Variants in EPS8L3 observed in about 807,000 individuals in gnomAD.
EPS8L3 encodes the protein EPS8 signaling adaptor L3.
EPS8L3 carries 80 observed loss-of-function variants against 88.5 expected under a neutral mutation model. That is an observed-to-expected ratio of 0.90 (90% confidence interval 0.75 to 1.09). The LOEUF (loss-of-function observed/expected upper bound fraction) is 1.09. EPS8L3 is among the 50% of genes least tolerant of loss of function. EPS8L3 has a pLI of 0.00. For missense variants in EPS8L3, 721 were observed against 735.2 expected, an observed-to-expected ratio of 0.98 and a Z score of 0.22; for synonymous variants, 286 against 291.0, an observed-to-expected ratio of 0.98 and a Z score of 0.18.
chr1:109,750,644 C>T lies in EPS8L3; in HGVS notation c.1770+16G>A. 8 of 1,614,084 alleles carry T rather than the reference C, an allele frequency of 5.0e-6. No individual in the cohort carries two copies. Among genetic ancestry groups the T allele is most frequent in the Non-Finnish European group, 5.9e-6 (7 of 1,179,990 alleles). On this transcript the variant is annotated intron_variant, in intron 18 of 18. Coordinates refer to ENST00000361965, the MANE Select transcript of EPS8L3 (RefSeq NM_133181.4). ...AGACACTCCCAATGGTTGTCAGGACCCCAGGGTGTCCTCACCCCCAGCATC... is the reference window on the plus strand; with the variant it reads ...AGACACTCCCAATGGTTGTCAGGACTCCAGGGTGTCCTCACCCCCAGCATC...
rs141216988 is a variant in EPS8L3, at chr1:109,761,730, C to T, written c.20G>A (p.Arg7Lys). The change falls in exon 2 of 19, where the codon AGA becomes AAA. Residue 7 changes from arginine to lysine, a missense_variant. Transcript: ENST00000361965. Reference sequence around the variant, plus strand: ...TGCCAGGAGCTTACAGTAAATGGCTCTGCTGCTGGGCCTTGACATGTTGAC... The same window carrying T: ...TGCCAGGAGCTTACAGTAAATGGCTTTGCTGCTGGGCCTTGACATGTTGAC... MSRPSSRAIYLHRKEYS... is the reference protein window; with the variant it reads MSRPSSKAIYLHRKEYS... 6.2e-7 allele frequency: 1 copy of T among 1,613,928 alleles called. No individual in the cohort carries two copies. Among genetic ancestry groups the T allele is most frequent in the Non-Finnish European group, 8.5e-7 (1 of 1,179,976 alleles).
chr1:109,751,660 G>A lies in EPS8L3; in HGVS notation c.1557C>T (p.Pro519=), dbSNP rs928983819. ...AGTCCAGGCTGGGTAGTACCCGAGAGGGTGACTGGCCCTGGGTCCCAGGGG... is the reference window on the plus strand; with the variant it reads ...AGTCCAGGCTGGGTAGTACCCGAGAAGGTGACTGGCCCTGGGTCCCAGGGG... ...PGTPGTQGQS[P]SRVPMLRLSS... is the part of the protein sequence containing the mutation. Residue 519 remains proline (P), a synonymous_variant, in exon 16 of 19, where the codon CCC becomes CCT. Transcript: ENST00000361965. 1 of 1,613,980 alleles carries A rather than the reference G, an allele frequency of 6.2e-7. No individual in the cohort carries two copies.
chr1:109,752,581 A>T (rs914113326), intron 14 of EPS8L3, 105 bp downstream of exon 14: 45 of 1,081,620 alleles, frequency 4.2e-5, no homozygotes, highest in Admixed American at 1.7e-4. Context: ...TGGCTAAAAG[A>T]GACCCTCTTG....
intron 16 of EPS8L3, 47 bp downstream of exon 16, chr1:109,751,607 C>T: frequency 6.2e-7 from 1 of 1,612,810 alleles, no homozygotes; most frequent in Non-Finnish European, 8.5e-7. Context: ...CCACCCCGAC[C>T]TCCAACTCAA....
Position 109,757,855 on chromosome 1 carries a change from G to C in EPS8L3, c.841C>G (p.Gln281Glu), listed in dbSNP as rs1650444000. Reference sequence around the variant, plus strand: ...TGGAAGCAGTCAATGTACTGTGCCTGGGTGAGACCTGGGAGAAGGGGCCAA... The same window carrying C: ...TGGAAGCAGTCAATGTACTGTGCCTCGGTGAGACCTGGGAGAAGGGGCCAA... The part of the protein sequence containing the change: ...KKNKDQGGLT[Q>E]AQYIDCFQKI... Residue 281 changes from glutamine to glutamate, a missense_variant, in exon 10 of 19, where the codon CAG (glutamine) becomes GAG (glutamate). Gln to Glu is a conservative substitution (Grantham distance 29, BLOSUM62 2). Transcript: ENST00000361965. 1 of 1,613,986 alleles carries C rather than the reference G, an allele frequency of 6.2e-7. No individual in the cohort carries two copies. Among genetic ancestry groups the C allele is most frequent in the African/African-American group, 1.3e-5 (1 of 74,912 alleles).
Position 109,759,990 on chromosome 1 carries a change from G to T in EPS8L3, c.97-154C>A. On this transcript the variant is annotated intron_variant, in intron 3 of 18. Transcript: ENST00000361965. The surrounding 1 kb of genome is among the most constrained non-coding windows in gnomAD (Gnocchi z 4.2). ...GCTTCAGATAAAGCAACTTTCCAGGGCCAATGTGAGGGACGGTGTCGAAGC... is the reference window on the plus strand; with the variant it reads ...GCTTCAGATAAAGCAACTTTCCAGGTCCAATGTGAGGGACGGTGTCGAAGC... The T allele has an allele frequency of 1.4e-6, 1 of 730,830 alleles. No homozygotes were observed. Among genetic ancestry groups the T allele is most frequent in the Non-Finnish European group, 2.2e-6 (1 of 455,198 alleles). 45.3% of individuals were successfully genotyped at this position (730,830 alleles called of 1,614,324 possible). A position where few individuals can be genotyped will look rare whatever the true frequency, so the allele number is the denominator to read the frequency against.
intron 12 of EPS8L3, among the ~76,000 whole-genome samples, chr1:109,755,179 C>T (rs114273489): frequency 0.011 from 1,706 of 152,278 alleles, 24 homozygotes; most frequent in African/African-American, 0.039. Context: ...GTTCCTAGAA[C>T]AGGCAACATA....
At chr1:109,762,662 G>A (rs868113551) in intron 1 of EPS8L3, among the ~76,000 whole-genome samples, 41 of 152,252 alleles carry the variant, frequency 2.7e-4, no homozygotes, top group East Asian at 3.9e-4. Flanking sequence ...CTGTTCTAAC[G>A]GCGTTACCTT....
At chr1:109,762,262 T>C (rs1216193834) in intron 1 of EPS8L3, among the ~76,000 whole-genome samples, 2 of 152,142 alleles carry the variant, frequency 1.3e-5, no homozygotes, top group African/African-American at 4.8e-5. Flanking sequence ...CTGTAGACCC[T>C]CTGGGAAGAC....
chr1:109,758,056 T>G lies in EPS8L3; in HGVS notation c.720A>C (p.Glu240Asp). Residue 240 changes from glutamate (E) to aspartate (D), a missense_variant and splice_region_variant, in exon 9 of 19, where the codon GAA (glutamate) becomes GAC (aspartate). Coordinates refer to ENST00000361965, the MANE Select transcript of EPS8L3 (RefSeq NM_133181.4). ...SSPEDPERDE[E>D]VLNHVLRDIE... ...TGTCCCTTAGGACATGGTTCAGCAC[T>G]TCCTGGGCCCCAAACAACCCATGGC... The G allele has an allele frequency of 1.2e-6, 2 of 1,613,612 alleles. No homozygotes were observed. The highest frequency in any genetic ancestry group is 1.7e-6 in the Non-Finnish European group (2 of 1,179,800).
At position 109,759,293 on chromosome 1, in the gene EPS8L3, T is replaced by C; in HGVS notation, c.350A>G (p.Gln117Arg). 1 of 1,614,142 alleles carries C rather than the reference T, an allele frequency of 6.2e-7. No homozygotes were observed. Among genetic ancestry groups the C allele is most frequent in the African/African-American group, 1.3e-5 (1 of 75,022 alleles). ...SYNSILSITVQEPGLPGTSTL... is the reference protein window; with the variant it reads ...SYNSILSITVREPGLPGTSTL... ...GCTAGTGCCTGGCAGGCCCGGCTCC[T>C]GCACGGTGATGGACAGGATGGAGTT... The change falls in exon 5 of 19, where the codon CAG becomes CGG. Residue 117 changes from glutamine (Q) to arginine (R), a missense_variant. Gln to Arg is a conservative substitution (Grantham distance 43, BLOSUM62 1). Coordinates refer to ENST00000361965, the MANE Select transcript of EPS8L3 (RefSeq NM_133181.4). This position sits in a 1 kb window ranked among gnomAD's most constrained non-coding sequence, Gnocchi z 4.2.
At position 109,750,727 on chromosome 1, in the gene EPS8L3, T is replaced by C. The variant is rs754934510; in HGVS notation, c.1703A>G (p.Gln568Arg). 6 of 1,614,110 alleles carry C rather than the reference T, an allele frequency of 3.7e-6. No individual in the cohort carries two copies. In the South Asian group the frequency reaches 4.4e-5, roughly 12 times the overall value. Reference sequence around the variant, plus strand: ...TGGGGCCTCCTGTGGACATAGCATCTGTAGCTCCCCAGGTCTTATGCGAAG... The same window carrying C: ...TGGGGCCTCCTGTGGACATAGCATCCGTAGCTCCCCAGGTCTTATGCGAAG... The part of the protein sequence containing the change: ...QLLRIRPGEL[Q>R]MLCPQEAPRI... The change falls in exon 18 of 19, where the codon CAG (glutamine) becomes CGG (arginine). Residue 568 changes from glutamine to arginine, a missense_variant. Gln to Arg is a conservative substitution (Grantham distance 43, BLOSUM62 1). Transcript: ENST00000361965.
At position 109,758,337 on chromosome 1, in the gene EPS8L3, G is replaced by A. The variant is rs775227313; in HGVS notation, c.696C>T (p.Pro232=). ...TTACCTCGTCCCTCTCTGGGTCCTC[G>A]GGGGAAGAGGACCGCCTTGGAGGAG... ...TLPPPRRSSS[P]EDPERDEEVL... Residue 232 remains proline (P), a synonymous_variant, in exon 8 of 19, where the codon CCC becomes CCT. Transcript: ENST00000361965. The A allele has an allele frequency of 6.8e-6, 11 of 1,613,334 alleles. No homozygotes were observed. The highest frequency in any genetic ancestry group is 4.5e-5 in the East Asian group (2 of 44,886).
In EPS8L3 at chr1:109,762,560, C is replaced by T. The variant is rs545565481; in HGVS notation, c.-24-787G>A. Among the ~76,000 whole-genome samples, 5 of 152,316 alleles carry T rather than the reference C, an allele frequency of 3.3e-5. No individual in the cohort carries two copies. The East Asian group carries it at 7.7e-4, about 24-fold the overall frequency. ...AATAGTCACAATAGCCACCACGGTG[C>T]TGTGAGCCTGGTGCTGAGCCCCTTA... On this transcript the variant is annotated intron_variant, in intron 1 of 18. Coordinates refer to ENST00000361965, the MANE Select transcript of EPS8L3 (RefSeq NM_133181.4).
Position 109,758,549 on chromosome 1 carries a change from C to T in EPS8L3, c.576G>A (p.Gln192=). 6.2e-7 allele frequency: 1 copy of T among 1,609,340 alleles called. No individual in the cohort carries two copies. Among genetic ancestry groups the T allele is most frequent in the Non-Finnish European group, 8.5e-7 (1 of 1,177,470 alleles). Residue 192 remains glutamine (Q), a synonymous_variant, in exon 7 of 19, where the codon CAG becomes CAA. Transcript: ENST00000361965. ...RYLEPGIPPE[Q]PHQRTLEHSL... is the part of the protein sequence containing the mutation. ...TGTGCTCTAGGGTCCTCTGGTGGGG[C>T]TGTTCTGGAGGGATCCCCGGCTCCA...
In EPS8L3 at chr1:109,761,693, G is replaced by A. The variant is rs754456177; in HGVS notation, c.31+26C>T. 3.2e-5 allele frequency: 51 copies of A among 1,613,542 alleles called. No individual in the cohort carries two copies. The Middle Eastern group carries it at 4.9e-4, about 16-fold the overall frequency. Reference sequence around the variant, plus strand: ...TTCTGGGGGCTCAGTGGGAGGGCACGGGAGAGGGGCCTGCCAGGAGCTTAC... The same window carrying A: ...TTCTGGGGGCTCAGTGGGAGGGCACAGGAGAGGGGCCTGCCAGGAGCTTAC... On this transcript the variant is annotated intron_variant, in intron 2 of 18. Transcript: ENST00000361965.
Position 109,759,022 on chromosome 1 carries a change from C to G in EPS8L3, c.461+40G>C, listed in dbSNP as rs1650604888. Reference sequence around the variant, plus strand: ...TCAGGGTCTGGCCCCCGAGGCTGAGCTGGGAGGCCCCATAGGTGGGCTGGG... The same window carrying G: ...TCAGGGTCTGGCCCCCGAGGCTGAGGTGGGAGGCCCCATAGGTGGGCTGGG... On this transcript the variant is annotated intron_variant, in intron 6 of 18. Coordinates refer to ENST00000361965, the MANE Select transcript of EPS8L3 (RefSeq NM_133181.4). This position sits in a 1 kb window ranked among gnomAD's most constrained non-coding sequence, Gnocchi z 4.2. 6.4e-7 allele frequency: 1 copy of G among 1,568,644 alleles called. No homozygotes were observed.
In EPS8L3 at chr1:109,758,041, G is replaced by T. The variant is rs1650470368; in HGVS notation, c.735C>A (p.Val245=). 1.2e-6 allele frequency: 2 copies of T among 1,614,040 alleles called. No homozygotes were observed. Among genetic ancestry groups the T allele is most frequent in the East Asian group, 4.5e-5 (2 of 44,878 alleles). The change falls in exon 9 of 19, where the codon GTC becomes GTA. Residue 245 remains valine (V), a synonymous_variant. Transcript: ENST00000361965. The stretch of plus-strand genomic sequence containing the variant: ...CCATGAACAGCTCAATGTCCCTTAG[G>T]ACATGGTTCAGCACTTCCTGGGCCC... ...PERDEEVLNH[V]LRDIELFMGK...
chr1:109,751,385 T>C, intron 16 of EPS8L3, 34 bp from the exon 17 acceptor site: 1 of 1,603,444 alleles, frequency 6.2e-7, no homozygotes. Context: ...TCAGAGTCCA[T>C]CTCATCTCAC....
Sources: gnomAD v4.1 joint callset for allele counts (sites outside exome capture counted in the v4.1 genomes callset) on GRCh38, gnomAD v4.1.1 for gene constraint, Gnocchi (gnomAD v3.1) non-coding constraint, MANE v1.5 for transcripts, NCBI Gene and HGNC (gene_info 2026-07-23, HGNC 2026-07-21) for gene names.